VPS4B: variants seen among roughly 807,000 people sequenced by gnomAD.
VPS4B encodes the protein vacuolar protein sorting-associated protein 4B.
Under a neutral mutation model 56.1 loss-of-function variants are expected in VPS4B, and 23 were observed. The ratio of observed to expected loss-of-function variants is 0.41; its 90% CI spans 0.30 to 0.58. The LOEUF is 0.58. Ranked by LOEUF, VPS4B falls within the 20% of genes least tolerant of loss-of-function variation. The pLI is 0.29. For synonymous variants in VPS4B, 177 were observed against 186.0 expected (o/e 0.95, Z 0.39); for missense variants, 372 against 531.9 (o/e 0.70, Z 2.96).
chr18:63,399,844 C>T (rs12968407), intron 7 of VPS4B, among the ~76,000 whole-genome samples: 5,440 of 152,040 alleles, frequency 0.036, 101 homozygotes, highest in African/African-American at 0.044. Context: ...TAAACAAAAA[C>T]GACTTTAAAA....
chr18:63,390,806 A>T lies in VPS4B; in HGVS notation c.*169T>A, dbSNP rs1915531711. The T allele has an allele frequency of 8.1e-6, 4 of 491,544 alleles. No homozygotes were observed. The highest frequency in any genetic ancestry group is 1.4e-5 in the Non-Finnish European group (4 of 276,940). 30.4% of individuals were successfully genotyped at this position (491,544 alleles called of 1,614,324 possible). On this transcript the variant is annotated 3_prime_UTR_variant, in exon 11 of 11. Coordinates refer to ENST00000238497, the MANE Select transcript of VPS4B (RefSeq NM_004869.4). ...TACCTTTTGTTAATAGGAGTATTTA[A>T]TAAGTAATGGAGGAAAAGTACAATA...
chr18:63,413,571 C>A (rs1408841768), intron 1 of VPS4B, among the ~76,000 whole-genome samples: 2 of 148,780 alleles, frequency 1.3e-5, no homozygotes, highest in Non-Finnish European at 3.0e-5. Context: ...TGCACAGATA[C>A]ATACAAATAA....
At chr18:63,403,586 C>T (rs1023483977) in intron 5 of VPS4B, 121 bp downstream of exon 5, 2 of 1,110,522 alleles carry the variant, frequency 1.8e-6, no homozygotes, top group African/African-American at 1.6e-5. Flanking sequence ...ATATCACCAC[C>T]TTTTAACAGT....
rs559349232 is a variant in VPS4B at position 63,400,010 on chromosome 18, C to T, written c.790+38G>A. The T allele has an allele frequency of 1.9e-6, 3 of 1,584,364 alleles. No individual in the cohort carries two copies. The African/African-American group carries it at 4.1e-5, about 22-fold the overall frequency. The stretch of plus-strand genomic sequence containing the variant: ...CTCCAGCCTGGGCGACAGAGTGAGA[C>T]TCCGTCTCAAAAAGAAAAAAAAAAT... On this transcript the variant is annotated intron_variant, in intron 7 of 10. Coordinates refer to ENST00000238497, the MANE Select transcript of VPS4B (RefSeq NM_004869.4).
intron 4 of VPS4B, 101 bp from the exon 5 acceptor site, chr18:63,403,927 G>A: frequency 7.3e-7 from 1 of 1,377,468 alleles, no homozygotes; most frequent in Non-Finnish European, 9.7e-7. Flanking sequence ...TATAAAATTG[G>A]GAAAGTTTTA....
chr18:63,390,897 C>A lies in VPS4B; in HGVS notation c.*78G>T. 1 of 999,812 alleles carries A rather than the reference C, an allele frequency of 1.0e-6. No individual in the cohort carries two copies. The highest frequency in any genetic ancestry group is 1.5e-6 in the Non-Finnish European group (1 of 656,068). The allele number at this position is 999,812 out of a possible 1,614,324, so 61.9% of individuals were successfully genotyped here. A position where few individuals can be genotyped will look rare whatever the true frequency, so the allele number is the denominator to read the frequency against. ...TGTGGTAAAAGAGTTTTACTGGAAA[C>A]AATTAATGCGATCCAAATAGACAAA... On this transcript the variant is annotated 3_prime_UTR_variant, in exon 11 of 11. Transcript: ENST00000238497.
chr18:63,399,898 A>T, intron 7 of VPS4B, 150 bp downstream of exon 7: 1 of 545,706 alleles, frequency 1.8e-6, no homozygotes. Context: ...GCGCGCCTGT[A>T]ATCCCAGCTA....
chr18:63,414,700 G>A (rs960170411), intron 1 of VPS4B, among the ~76,000 whole-genome samples: 7 of 152,210 alleles, frequency 4.6e-5, no homozygotes, highest in African/African-American at 1.7e-4. Flanking sequence ...CTCCCAAAGT[G>A]CTGGGATAAC....
intron 10 of VPS4B, among the ~76,000 whole-genome samples, chr18:63,391,556 C>T (rs1915550663): frequency 6.6e-6 from 1 of 152,190 alleles, no homozygotes; most frequent in Non-Finnish European, 1.5e-5. Context: ...CTTTCATGAT[C>T]TTTGATCATG....
rs747235022 is a variant in VPS4B, at chr18:63,393,411, T to G, written c.1231A>C (p.Met411Leu). ...TAAAAACAAACAAAATTTCAAACCATGGAAACAACTGGCTCCAAAAGTTTA... is the reference window on the plus strand; with the variant it reads ...TAAAAACAAACAAAATTTCAAACCAGGGAAACAACTGGCTCCAAAAGTTTA... Reference protein sequence around the residue: ...GDKLLEPVVSMSDMLRSLSNT... With the variant: ...GDKLLEPVVSLSDMLRSLSNT... The change falls in exon 10 of 11, where the codon ATG becomes CTG. Residue 411 changes from methionine (M) to leucine (L), a missense_variant and splice_region_variant. Transcript: ENST00000238497. The G allele has an allele frequency of 1.4e-5, 22 of 1,586,554 alleles. No individual in the cohort carries two copies. The highest frequency in any genetic ancestry group is 1.9e-5 in the Non-Finnish European group (22 of 1,170,402).
chr18:63,400,704 CT>C lies in VPS4B; in HGVS notation c.485-2del. On this transcript the variant is annotated splice_acceptor_variant, in intron 5 of 10. Coordinates refer to ENST00000238497, the MANE Select transcript of VPS4B (RefSeq NM_004869.4). LOFTEE classifies it high-confidence loss of function. ...ATTCCCCTCCAAGGTGTTCTCTTGCCTAAAATTTAGATTTAGAAAAATGTCA... is the reference window on the plus strand; with the variant it reads ...ATTCCCCTCCAAGGTGTTCTCTTGCCAAAATTTAGATTTAGAAAAATGTCA... 6.3e-7 allele frequency: 1 copy of C among 1,595,854 alleles called. No individual in the cohort carries two copies.
Position 63,390,699 on chromosome 18 carries a change from A to C in VPS4B, c.*276T>G. ...AAAAATTGTAAATATTTGTATGTCA[A>C]TTTCTGACATCCTTTTTACTGGGTA... On this transcript the variant is annotated 3_prime_UTR_variant, in exon 11 of 11. Transcript: ENST00000238497. 5.2e-6 allele frequency: 1 copy of C among 192,224 alleles called. No individual in the cohort carries two copies. The allele number at this position is 192,224 out of a possible 1,614,324, so 11.9% of individuals were successfully genotyped here. A position where few individuals can be genotyped will look rare whatever the true frequency, so the allele number is the denominator to read the frequency against.
chr18:63,411,749 C>G (rs1389786398), intron 1 of VPS4B, among the ~76,000 whole-genome samples, 171 bp from the exon 2 acceptor site: 1 of 150,412 alleles, frequency 6.6e-6, no homozygotes, highest in African/African-American at 2.5e-5. Flanking sequence ...TCATTTTTTT[C>G]TAACTCACAA....
At chr18:63,401,265 T>C (rs1206499822) in intron 5 of VPS4B, among the ~76,000 whole-genome samples, 1 of 152,164 alleles carries the variant, frequency 6.6e-6, no homozygotes, top group East Asian at 1.9e-4. Flanking sequence ...TTTATTTTAT[T>C]TTTTTTGAGA....
At chr18:63,421,152 A>G (rs1291536641) in intron 1 of VPS4B, among the ~76,000 whole-genome samples, 1 of 152,210 alleles carries the variant, frequency 6.6e-6, no homozygotes, top group African/African-American at 2.4e-5. Flanking sequence ...ATATTTTGTG[A>G]AAGATAACAA....
rs1272413474 is a variant in VPS4B at position 63,389,370 on chromosome 18, A to C, written c.*1605T>G. On this transcript the variant is annotated 3_prime_UTR_variant, in exon 11 of 11. Coordinates refer to ENST00000238497, the MANE Select transcript of VPS4B (RefSeq NM_004869.4). ...GCCTTTTCCATTTAATAACAAAAAC[A>C]ATCTGTACAGAAAACCCAAAGGCAA... 1 of 152,682 alleles carries C rather than the reference A, an allele frequency of 6.5e-6. No individual in the cohort carries two copies. Among genetic ancestry groups the C allele is most frequent in the Non-Finnish European group, 1.5e-5 (1 of 68,052 alleles). The allele number at this position is 152,682 out of a possible 1,614,324, so 9.5% of individuals were successfully genotyped here.
At chr18:63,422,044 A>G (rs1290078752) in intron 1 of VPS4B, among the ~76,000 whole-genome samples, 189 bp downstream of exon 1, 2 of 152,158 alleles carry the variant, frequency 1.3e-5, no homozygotes, top group Non-Finnish European at 2.9e-5. Context: ...AGACCCCAAG[A>G]GCGGGCCAGA....
At chr18:63,398,204 C>CACACACATATATATATATATATAT (rs1298374245) in intron 8 of VPS4B, among the ~76,000 whole-genome samples, 29 of 112,476 alleles carry the variant, frequency 2.6e-4, no homozygotes, top group African/African-American at 9.4e-4. Context: ...CACACACACA[C>CACACACATATATATATATATATAT]ATATATATAT....
intron 9 of VPS4B, 55 bp from the exon 10 acceptor site, chr18:63,393,604 C>T: frequency 7.1e-7 from 1 of 1,413,594 alleles, no homozygotes; most frequent in Non-Finnish European, 9.4e-7. Context: ...AACATTAAGA[C>T]TTAATCCATT....
Sources: gnomAD v4.1 joint callset for allele counts (sites outside exome capture counted in the v4.1 genomes callset) on GRCh38, gnomAD v4.1.1 for gene constraint, MANE v1.5 for transcripts, NCBI Gene and HGNC (gene_info 2026-07-23, HGNC 2026-07-21) for gene names.